The following TRMT9B variants were observed in gnomAD, a reference collection of about 807,000 sequenced individuals.
TRMT9B encodes tRNA methyltransferase 9B (putative).
Under a neutral mutation model 11.5 loss-of-function variants are expected in TRMT9B, and 16 were observed. The observed-to-expected ratio is 1.39, with a 90% CI of 0.94 to 2.11. The LOEUF (loss-of-function observed/expected upper bound fraction) is 2.11. TRMT9B is among the 30% of genes most tolerant of loss of function. The pLI is 0.00. For synonymous variants in TRMT9B, 274 were observed against 192.4 expected (o/e 1.42, Z -3.51); for missense variants, 941 against 553.8 (o/e 1.70, Z -7.02).
intron 1 of TRMT9B, among the ~76,000 whole-genome samples, chr8:12,979,974 C>T (rs1805091739): frequency 1.3e-5 from 2 of 152,120 alleles, no homozygotes; most frequent in Admixed American, 1.3e-4. Context: ...GACACTGTCA[C>T]CCCGCCTGTG....
intron 1 of TRMT9B, among the ~76,000 whole-genome samples, chr8:12,946,647 A>C (rs1585424902): frequency 7.3e-6 from 1 of 136,088 alleles, no homozygotes; most frequent in African/African-American, 2.7e-5. Flanking sequence ...AATTTTGAGA[A>C]ATCTACACAG....
chr8:12,990,721 T>A (rs1807187152), intron 1 of TRMT9B, 113 bp from the exon 2 acceptor site: 2 of 418,708 alleles, frequency 4.8e-6, no homozygotes, highest in Non-Finnish European at 7.7e-6. Flanking sequence ...TTCTTTCTAA[T>A]CCCTACTTGG....
chr8:12,960,243 G>T (rs1801912161), intron 1 of TRMT9B: 1 of 152,194 alleles, frequency 6.6e-6, no homozygotes, highest in Non-Finnish European at 1.5e-5. Flanking sequence ...CTCATTTTTA[G>T]TGGCAGCCTT....
intron 3 of TRMT9B, chr8:13,011,479 A>G (rs1471343485): frequency 1.0e-6 from 1 of 984,078 alleles, no homozygotes; most frequent in Non-Finnish European, 1.2e-6. Flanking sequence ...GAAAAATTTC[A>G]TCAGTAATGC....
At chr8:13,005,202 A>G (rs1230577106) in intron 2 of TRMT9B, among the ~76,000 whole-genome samples, 2 of 152,204 alleles carry the variant, frequency 1.3e-5, no homozygotes, top group African/African-American at 4.8e-5. Context: ...GACAGGCTTC[A>G]TATGTTCTCA....
chr8:13,006,061 C>T, intron 2 of TRMT9B, 141 bp from the exon 3 acceptor site: 1 of 737,482 alleles, frequency 1.4e-6, no homozygotes. Context: ...AGGTATTGTT[C>T]TTTGCAGCTT....
intron 1 of TRMT9B, among the ~76,000 whole-genome samples, chr8:12,953,158 T>G (rs1800855043): frequency 6.6e-6 from 1 of 152,222 alleles, no homozygotes; most frequent in African/African-American, 2.4e-5. Context: ...GTGGTAGGCA[T>G]GAATTTAAAT....
intron 3 of TRMT9B, chr8:13,011,886 A>T (rs1347190840): frequency 1.0e-6 from 1 of 984,414 alleles, no homozygotes; most frequent in African/African-American, 1.7e-5. Context: ...TAAAAATTTG[A>T]AAGGCATGTT....
chr8:12,948,058 G>A (rs142764217), intron 1 of TRMT9B, among the ~76,000 whole-genome samples: 18 of 152,280 alleles, frequency 1.2e-4, no homozygotes, highest in Non-Finnish European at 2.5e-4. Context: ...GTTGCTCCTT[G>A]ACTTACGATG....
At chr8:13,001,324 G>A (rs1180466559) in intron 2 of TRMT9B, among the ~76,000 whole-genome samples, 2 of 152,174 alleles carry the variant, frequency 1.3e-5, no homozygotes, top group African/African-American at 4.8e-5. Flanking sequence ...ACTCAGTGAG[G>A]CGGGGATCCC....
chr8:12,987,138 G>GTCAAATTATCTGGGT (rs1806455173), intron 1 of TRMT9B, among the ~76,000 whole-genome samples: 1 of 152,154 alleles, frequency 6.6e-6, no homozygotes, highest in Admixed American at 6.5e-5. Context: ...GAACGCTAGG[G>GTCAAATTATCTGGGT]TCAAATTATC....
At chr8:12,988,453 C>T (rs1806722814) in intron 1 of TRMT9B, among the ~76,000 whole-genome samples, 1 of 151,962 alleles carries the variant, frequency 6.6e-6, no homozygotes, top group South Asian at 2.1e-4. Context: ...AAAGACATAC[C>T]CGAGACTGTG....
chr8:12,969,445 G>C (rs934130710), intron 1 of TRMT9B, among the ~76,000 whole-genome samples: 1 of 151,970 alleles, frequency 6.6e-6, no homozygotes, highest in Non-Finnish European at 1.5e-5. Context: ...CCACACCCCT[G>C]TACTAAAATT....
rs765935531 is a variant in TRMT9B, at chr8:13,012,684, G to T, written c.155G>T (p.Gly52Val). Residue 52 changes from glycine to valine, a missense_variant and splice_region_variant, in exon 4 of 5, where the codon GGT (glycine) becomes GTT (valine). By Grantham distance (109) the Gly-to-Val change is moderately radical. Coordinates refer to ENST00000524591, the MANE Select transcript of TRMT9B (RefSeq NM_020844.3). Reference protein sequence around the residue: ...QKPGSLIADIGCGTGKYLKVN... With the variant: ...QKPGSLIADIVCGTGKYLKVN... ...TGTAACGCAGGTTTTTCTCTTATAGGTTGTGGGACTGGAAAATATCTTAAA... is the reference window on the plus strand; with the variant it reads ...TGTAACGCAGGTTTTTCTCTTATAGTTTGTGGGACTGGAAAATATCTTAAA... The T allele has an allele frequency of 6.8e-6, 11 of 1,612,192 alleles. No individual in the cohort carries two copies. Among genetic ancestry groups the T allele is most frequent in the Non-Finnish European group, 8.5e-6 (10 of 1,178,878 alleles).
At chr8:12,978,889 CTT>C (rs1804896822) in intron 1 of TRMT9B, among the ~76,000 whole-genome samples, 1 of 152,226 alleles carries the variant, frequency 6.6e-6, no homozygotes, top group African/African-American at 2.4e-5. Context: ...ATTTCTCTCT[CTT>C]TGGCAGTCAC....
chr8:12,978,523 G>C (rs1048871658), intron 1 of TRMT9B, among the ~76,000 whole-genome samples: 61 of 37,506 alleles, frequency 1.6e-3, no homozygotes, highest in African/African-American at 3.9e-3. Flanking sequence ...ATAGATGATA[G>C]ATAGATAGAT....
At chr8:12,965,406 C>G (rs1259257049) in intron 1 of TRMT9B, among the ~76,000 whole-genome samples, 1 of 152,292 alleles carries the variant, frequency 6.6e-6, no homozygotes, top group East Asian at 1.9e-4. Flanking sequence ...GGCTGGCAAT[C>G]AGAAGGCCAA....
intron 1 of TRMT9B, among the ~76,000 whole-genome samples, chr8:12,975,597 G>T (rs751081928): frequency 6.6e-6 from 1 of 152,060 alleles, no homozygotes; most frequent in Non-Finnish European, 1.5e-5. Context: ...AATTAGCTGG[G>T]TATGGTGGCA....
intron 1 of TRMT9B, among the ~76,000 whole-genome samples, chr8:12,953,518 T>G: frequency 6.6e-6 from 1 of 151,978 alleles, no homozygotes; most frequent in East Asian, 1.9e-4. Flanking sequence ...CCCAGCTAAT[T>G]TTTTTGTGTT....
Sources: allele counts gnomAD v4.1 joint callset (sites outside exome capture counted in the v4.1 genomes callset), GRCh38; gene constraint gnomAD v4.1.1; transcripts MANE v1.5; gene names NCBI Gene and HGNC (gene_info 2026-07-23, HGNC 2026-07-21).